The following BTBD9 variants were observed in gnomAD, a reference collection of about 807,000 sequenced individuals.
BTBD9 encodes BTB domain containing 9.
BTBD9 carries 49 observed loss-of-function variants against 64.3 expected under a neutral mutation model. The observed-to-expected ratio is 0.76, with a 90% confidence interval of 0.61 to 0.97. The LOEUF is 0.97. Ranked by LOEUF, BTBD9 falls within the 50% of genes least tolerant of loss-of-function variation. The pLI is 0.00. For synonymous variants in BTBD9, 260 were observed against 274.7 expected (o/e 0.95, Z 0.53); for missense variants, 598 against 762.1 (o/e 0.78, Z 2.53).
At chr6:38,482,395 G>A (rs1436032987) in intron 6 of BTBD9, 1 of 151,400 alleles carries the variant, frequency 6.6e-6, no homozygotes, top group Non-Finnish European at 1.5e-5. Flanking sequence ...GAGGTGTGAG[G>A]TGATCCTTTC....
intron 6 of BTBD9, among the ~76,000 whole-genome samples, chr6:38,377,577 T>C (rs1765741886): frequency 6.6e-6 from 1 of 152,178 alleles, no homozygotes; most frequent in African/African-American, 2.4e-5. Flanking sequence ...CACAGGTGCA[T>C]ACAGGCATGC....
intron 9 of BTBD9, among the ~76,000 whole-genome samples, chr6:38,205,931 A>AGAGAATGT (rs1335996089): frequency 6.8e-6 from 1 of 147,604 alleles, no homozygotes; most frequent in East Asian, 2.0e-4. Context: ...TCCACAAAAC[A>AGAGAATGT]GAGAATGTGA....
chr6:38,435,358 C>T lies in BTBD9; in HGVS notation c.1155-90265G>A, dbSNP rs185962699. The stretch of plus-strand genomic sequence containing the variant: ...TCTACTAAAAATACAAAAATTAGCC[C>T]GGTGTGGTGGCGGTGCCTGTAATCC... On this transcript the variant is annotated intron_variant, in intron 6 of 10. Coordinates refer to ENST00000481247, the MANE Select transcript of BTBD9 (RefSeq NM_001099272.2). 7.1e-3 allele frequency among the ~76,000 whole-genome samples: 1,064 copies of T among 149,262 alleles called. 23 individuals are homozygous for T. The highest frequency in any genetic ancestry group is 0.032 in the Middle Eastern group (9 of 282).
chr6:38,448,757 A>G (rs1452296439), intron 6 of BTBD9, among the ~76,000 whole-genome samples: 6 of 152,118 alleles, frequency 3.9e-5, no homozygotes, highest in Non-Finnish European at 8.8e-5. Context: ...GCCTCAAGTG[A>G]TCCGCCTGCC....
At chr6:38,506,978 T>C (rs1772555068) in intron 6 of BTBD9, among the ~76,000 whole-genome samples, 1 of 152,194 alleles carries the variant, frequency 6.6e-6, no homozygotes, top group Non-Finnish European at 1.5e-5. Context: ...TCCTGCTGGC[T>C]TCTAGAATAA....
intron 4 of BTBD9, chr6:38,588,476 A>T (rs1346221358): frequency 1.2e-6 from 1 of 859,316 alleles, no homozygotes; most frequent in African/African-American, 1.7e-5. Flanking sequence ...CCTAATCCTT[A>T]TATGTCCTCC....
intron 6 of BTBD9, among the ~76,000 whole-genome samples, chr6:38,484,071 T>C (rs1582507198): frequency 1.3e-5 from 2 of 152,220 alleles, no homozygotes; most frequent in East Asian, 3.8e-4. Context: ...TTGTGGGTGC[T>C]CCGTAAACAT....
intron 6 of BTBD9, among the ~76,000 whole-genome samples, chr6:38,350,593 T>A (rs1336857428): frequency 2.0e-5 from 3 of 152,230 alleles, no homozygotes; most frequent in African/African-American, 7.2e-5. Flanking sequence ...CCATCTGAAT[T>A]CCACTCTTTG....
intron 6 of BTBD9, among the ~76,000 whole-genome samples, chr6:38,555,754 G>A (rs1774984721): frequency 2.0e-5 from 3 of 152,042 alleles, no homozygotes; most frequent in Non-Finnish European, 4.4e-5. Context: ...TTATTCACTG[G>A]TCTCATGCTG....
At chr6:38,633,218 G>A (rs1008317025) in intron 1 of BTBD9, among the ~76,000 whole-genome samples, 1 of 152,148 alleles carries the variant, frequency 6.6e-6, no homozygotes, top group African/African-American at 2.4e-5. Context: ...TTAACATGCT[G>A]AAGACCCATG....
At chr6:38,538,070 T>C (rs1037015365) in intron 6 of BTBD9, among the ~76,000 whole-genome samples, 1 of 152,210 alleles carries the variant, frequency 6.6e-6, no homozygotes, top group African/African-American at 2.4e-5. Context: ...TTTGATGCAA[T>C]TGTTTAATCT....
intron 6 of BTBD9, among the ~76,000 whole-genome samples, chr6:38,533,149 A>C (rs1362574712): frequency 2.0e-5 from 3 of 152,220 alleles, no homozygotes; most frequent in Admixed American, 2.0e-4. Flanking sequence ...AAGACCCAAC[A>C]ATCTGTTGCC....
chr6:38,330,453 G>A (rs979620334), intron 7 of BTBD9, among the ~76,000 whole-genome samples: 1 of 152,120 alleles, frequency 6.6e-6, no homozygotes, highest in African/African-American at 2.4e-5. Flanking sequence ...TTGGGAGGCT[G>A]AGGTGAGAGT....
At chr6:38,282,933 C>A (rs1001116373) in intron 8 of BTBD9, among the ~76,000 whole-genome samples, 25 of 152,220 alleles carry the variant, frequency 1.6e-4, no homozygotes, top group African/African-American at 5.8e-4. Context: ...CTCAACCCCA[C>A]TAGAATGTCA....
chr6:38,345,233 ACT>A, intron 6 of BTBD9, 140 bp from the exon 7 acceptor site: 1 of 505,082 alleles, frequency 2.0e-6, no homozygotes, highest in East Asian at 2.8e-5. Flanking sequence ...TTGACTTCAG[ACT>A]CTATATCTGC....
intron 6 of BTBD9, among the ~76,000 whole-genome samples, chr6:38,478,721 G>A (rs974692690): frequency 6.6e-6 from 1 of 152,198 alleles, no homozygotes; most frequent in African/African-American, 2.4e-5. Context: ...CTACAGGGAA[G>A]AGCTAAGAAC....
chr6:38,501,088 C>A (rs1300482336), intron 6 of BTBD9, among the ~76,000 whole-genome samples: 1 of 152,188 alleles, frequency 6.6e-6, no homozygotes, highest in African/African-American at 2.4e-5. Flanking sequence ...TTTTTGTTCA[C>A]TTTCTCAATG....
chr6:38,248,697 G>A (rs1465342237), intron 9 of BTBD9, among the ~76,000 whole-genome samples: 13 of 152,224 alleles, frequency 8.5e-5, no homozygotes, highest in Admixed American at 8.5e-4. Flanking sequence ...TGGGAATTCA[G>A]GTCCAAGATG....
intron 6 of BTBD9, among the ~76,000 whole-genome samples, chr6:38,519,562 T>C (rs1360890172): frequency 6.6e-6 from 1 of 152,216 alleles, no homozygotes; most frequent in African/African-American, 2.4e-5. Context: ...TGCTTTTTCA[T>C]TTGAAAAACT....
Sources: gnomAD v4.1 joint callset for allele counts (sites outside exome capture counted in the v4.1 genomes callset) on GRCh38, gnomAD v4.1.1 for gene constraint, MANE v1.5 for transcripts, NCBI Gene and HGNC (gene_info 2026-07-23, HGNC 2026-07-21) for gene names.